DUOX1: variants seen among roughly 807,000 people sequenced by gnomAD.
DUOX1 encodes the protein NADPH thyroid oxidase 1.
In DUOX1, 134 loss-of-function variants were observed where a neutral mutation model predicts 181.8. The observed-to-expected ratio is 0.74, with a 90% CI of 0.64 to 0.85. The LOEUF (loss-of-function observed/expected upper bound fraction) is 0.85. Ranked by LOEUF, DUOX1 falls within the 40% of genes least tolerant of loss-of-function variation. The pLI is 0.00. For synonymous variants in DUOX1, 798 were observed against 832.5 expected, an observed-to-expected ratio of 0.96 and a Z score of 0.71; for missense variants, 1,814 against 2,064.4, an observed-to-expected ratio of 0.88 and a Z score of 2.35.
In DUOX1 at chr15:45,164,987, C is replaced by A. The variant is rs35631079; in HGVS notation, c.*86C>A. The A allele has an allele frequency of 1.9e-5, 28 of 1,464,518 alleles. No individual in the cohort carries two copies. The highest frequency in any genetic ancestry group is 2.4e-5 in the Non-Finnish European group (25 of 1,058,856). The allele number at this position is 1,464,518 out of a possible 1,614,324, so 90.7% of individuals were successfully genotyped here. A position where few individuals can be genotyped will look rare whatever the true frequency, so the allele number is the denominator to read the frequency against. On this transcript the variant is annotated 3_prime_UTR_variant, in exon 34 of 34. Coordinates refer to ENST00000389037, the MANE Select transcript of DUOX1 (RefSeq NM_175940.3). ...CCTCTGTTCTTCCTATTTCTGGCTG[C>A]CTCAGCCTTCTCTGATTTCCCACCT... is the stretch of plus-strand genomic sequence containing the variant.
chr15:45,154,113 C>T, intron 27 of DUOX1, 113 bp downstream of exon 27: 1 of 997,130 alleles, frequency 1.0e-6, no homozygotes, highest in South Asian at 1.3e-5. Context: ...TCCGGTGACC[C>T]AGGCTCTGTC....
At chr15:45,141,516 G>C (rs993266206) in intron 14 of DUOX1, 106 bp downstream of exon 14, 1 of 1,253,132 alleles carries the variant, frequency 8.0e-7, no homozygotes, top group Non-Finnish European at 1.2e-6. Flanking sequence ...TGTGCTCCAA[G>C]AGGGGAGTGA....
Position 45,148,257 on chromosome 15 carries a change from C to G in DUOX1, c.2643-15C>G. On this transcript the variant is annotated splice_polypyrimidine_tract_variant and intron_variant, in intron 20 of 33. Coordinates refer to ENST00000389037, the MANE Select transcript of DUOX1 (RefSeq NM_175940.3). The stretch of plus-strand genomic sequence containing the variant: ...CCCCAGTCAGGGCCGGATGGTTCCT[C>G]TCCCCCAACCCCAGATCCTTCATCG... 1 of 1,613,902 alleles carries G rather than the reference C, an allele frequency of 6.2e-7. No homozygotes were observed. Among genetic ancestry groups the G allele is most frequent in the Non-Finnish European group, 8.5e-7 (1 of 1,180,030 alleles).
chr15:45,135,281 C>A lies in DUOX1; in HGVS notation c.485C>A (p.Pro162His). Reference protein sequence around the residue: ...DPETGRSPSNPRDPANQVTGW... With the variant: ...DPETGRSPSNHRDPANQVTGW... ...GAGACCGGACGGAGTCCCAGCAATCCCCGGGACCCGGTGAGGCGGGGAAGG... is the reference window on the plus strand; with the variant it reads ...GAGACCGGACGGAGTCCCAGCAATCACCGGGACCCGGTGAGGCGGGGAAGG... The change falls in exon 5 of 34, where the codon CCC (proline) becomes CAC (histidine). Residue 162 changes from proline (P) to histidine (H), a missense_variant. Pro to His is a moderately conservative substitution (Grantham distance 77). This residue lies in a region of DUOX1 where 320 missense variants were observed against 313.1 expected (regional missense o/e 1.02). Transcript: ENST00000389037. 6.2e-7 allele frequency: 1 copy of A among 1,609,336 alleles called. No individual in the cohort carries two copies. The highest frequency in any genetic ancestry group is 8.5e-7 in the Non-Finnish European group (1 of 1,178,300).
intron 29 of DUOX1, 70 bp downstream of exon 29, chr15:45,161,060 C>T (rs142393800): frequency 0.019 from 29,656 of 1,600,374 alleles, 397 homozygotes; most frequent in Admixed American, 0.055. Flanking sequence ...GAGTCTAGAC[C>T]GCACAGTCTC....
intron 12 of DUOX1, 40 bp downstream of exon 12, chr15:45,139,639 A>T: frequency 6.6e-7 from 1 of 1,514,544 alleles, no homozygotes; most frequent in Non-Finnish European, 8.8e-7. Context: ...GGCGGGAGGG[A>T]CAAGGCACGT....
chr15:45,131,895 A>G, intron 1 of DUOX1, 23 bp from the exon 2 acceptor site: 1 of 1,517,854 alleles, frequency 6.6e-7, no homozygotes, highest in Non-Finnish European at 9.1e-7. Context: ...GCTGGGGCTC[A>G]TTCTTTGCCT....
chr15:45,139,492 C>T lies in DUOX1; in HGVS notation c.1282C>T (p.Arg428Trp), dbSNP rs141003102. The stretch of plus-strand genomic sequence containing the variant: ...CCTGGCCAGCTGCCTGCAGCGGGGC[C>T]GGGATCTGGGCCTGCCCTCTTACAC... ...DHLASCLQRG[R>W]DLGLPSYTKA... Residue 428 changes from arginine (R) to tryptophan (W), a missense_variant, in exon 12 of 34, where the codon CGG (arginine) becomes TGG (tryptophan). Around this residue, in one of 5 missense-constraint regions of DUOX1, gnomAD observed 1,064 missense variants for 1,152.9 expected, o/e 0.92. Transcript: ENST00000389037. 2.3e-4 allele frequency: 379 copies of T among 1,613,230 alleles called. No homozygotes were observed. Among genetic ancestry groups the T allele is most frequent in the Non-Finnish European group, 3.0e-4 (352 of 1,179,786 alleles).
intron 29 of DUOX1, 33 bp from the exon 30 acceptor site, chr15:45,161,705 G>A: frequency 6.3e-7 from 1 of 1,597,998 alleles, no homozygotes; most frequent in Non-Finnish European, 8.6e-7. Context: ...CTGGGTTCAG[G>A]GCAGCAGCTT....
Position 45,144,026 on chromosome 15 carries a change from C to T in DUOX1, c.1937-10C>T, listed in dbSNP as rs1896577159. ...TCCCAGCTGACGAAGCCCTGTCTCT[C>T]TCCCCCTAGCTTTGGAATGGCAAGG... On this transcript the variant is annotated splice_polypyrimidine_tract_variant and intron_variant, in intron 16 of 33. Transcript: ENST00000389037. The T allele has an allele frequency of 1.2e-6, 2 of 1,613,572 alleles. No homozygotes were observed. Among genetic ancestry groups the T allele is most frequent in the East Asian group, 4.5e-5 (2 of 44,864 alleles).
In DUOX1 at chr15:45,137,935, G is replaced by T; in HGVS notation, c.1034G>T (p.Cys345Phe). 1.9e-6 allele frequency: 3 copies of T among 1,605,876 alleles called. No individual in the cohort carries two copies. Residue 345 changes from cysteine (C) to phenylalanine (F), a missense_variant, in exon 10 of 34, where the codon TGC becomes TTC. Physicochemically the swap from Cys to Phe is radical, Grantham distance 205 (BLOSUM62 -2). This residue lies in a region of DUOX1 where 1,064 missense variants were observed against 1,152.9 expected (regional missense o/e 0.92). Coordinates refer to ENST00000389037, the MANE Select transcript of DUOX1 (RefSeq NM_175940.3). ...TCCTTGCATTTCAGAAATGCCAGCT[G>T]CCACTTCCAGGGGGTCATCAATCGG... is the stretch of plus-strand genomic sequence containing the variant. ...PPGVYMRNAS[C>F]HFQGVINRNS...
chr15:45,141,142 C>A (rs1896480506), intron 13 of DUOX1, 72 bp downstream of exon 13: 36 of 1,592,464 alleles, frequency 2.3e-5, no homozygotes, highest in Non-Finnish European at 3.0e-5. Flanking sequence ...TGGCCTTAGA[C>A]AGCCCCCATG....
chr15:45,134,215 C>T lies in DUOX1; in HGVS notation c.213C>T (p.His71=). Residue 71 remains histidine, a synonymous_variant, in exon 4 of 34, where the codon CAC becomes CAT. Coordinates refer to ENST00000389037, the MANE Select transcript of DUOX1 (RefSeq NM_175940.3). ...TGTACCAGCCCTTGGGAGAACCCCA[C>T]CTGCCCAACCCCCGAGACCTTAGCA... is the stretch of plus-strand genomic sequence containing the variant. The part of the protein sequence containing the change: ...DGVYQPLGEP[H]LPNPRDLSNT... The T allele has an allele frequency of 6.4e-7, 1 of 1,559,170 alleles. No homozygotes were observed. The highest frequency in any genetic ancestry group is 1.2e-5 in the South Asian group (1 of 82,346).
At chr15:45,131,885 G>C (rs1896165638) in intron 1 of DUOX1, 33 bp from the exon 2 acceptor site, 1 of 1,441,556 alleles carries the variant, frequency 6.9e-7, no homozygotes, top group South Asian at 1.1e-5. Flanking sequence ...CTTCTGAGTA[G>C]CTGGGGCTCA....
chr15:45,142,348 G>C (rs1458456598), intron 15 of DUOX1, among the ~76,000 whole-genome samples: 1 of 152,190 alleles, frequency 6.6e-6, no homozygotes, highest in East Asian at 1.9e-4. Flanking sequence ...CCCAGCATTG[G>C]TCAGGAGCCA....
chr15:45,153,899 A>AAG, intron 26 of DUOX1, 52 bp from the exon 27 acceptor site: 4 of 1,474,950 alleles, frequency 2.7e-6, no homozygotes, highest in South Asian at 2.4e-5. Context: ...AAAAAAAAAA[A>AAG]AGAGAGAGAG....
rs981624812 is a variant in DUOX1 at position 45,154,084 on chromosome 15, C to G, written c.3574+84C>G. The G allele has an allele frequency of 7.7e-5, 97 of 1,259,450 alleles. 1 individual carries two copies. The highest frequency in any genetic ancestry group is 3.7e-4 in the Middle Eastern group (2 of 5,344). 78.0% of individuals were successfully genotyped at this position (1,259,450 alleles called of 1,614,324 possible). On this transcript the variant is annotated intron_variant, in intron 27 of 33. Coordinates refer to ENST00000389037, the MANE Select transcript of DUOX1 (RefSeq NM_175940.3). ...GTTCTCTGCACCCCAGAGCAACCCA[C>G]GTTCACTCACTCAGCTCTTCCGGTG... is the stretch of plus-strand genomic sequence containing the variant.
At position 45,163,382 on chromosome 15, in the gene DUOX1, G is replaced by GC. The variant is rs1417236801; in HGVS notation, c.4249-146dup. The GC allele has an allele frequency of 5.2e-6, 6 of 1,147,250 alleles. No homozygotes were observed. The Admixed American group carries it at 7.6e-5, about 15-fold the overall frequency. The allele number at this position is 1,147,250 out of a possible 1,614,324, so 71.1% of individuals were successfully genotyped here. On this transcript the variant is annotated intron_variant, in intron 31 of 33. Coordinates refer to ENST00000389037, the MANE Select transcript of DUOX1 (RefSeq NM_175940.3). ...ACTCCATCTCTGGCCTCAGAGCCTG[G>GC]CCCCGTGGCCCATACACTCCATCTC... is the stretch of plus-strand genomic sequence containing the variant.
Position 45,161,008 on chromosome 15 carries a change from G to C in DUOX1, c.3856+18G>C. On this transcript the variant is annotated intron_variant, in intron 29 of 33. Coordinates refer to ENST00000389037, the MANE Select transcript of DUOX1 (RefSeq NM_175940.3). ...GCCCTCAGGTACCAGCCTGGCAGGA[G>C]ATCAGCTTGGTGACACTGAGGGAGC... 1 of 1,613,934 alleles carries C rather than the reference G, an allele frequency of 6.2e-7. No individual in the cohort carries two copies.
Sources: gnomAD v4.1 joint callset for allele counts (sites outside exome capture counted in the v4.1 genomes callset) on GRCh38, gnomAD v4.1.1 for gene constraint, gnomAD v4.1.1 regional missense constraint, MANE v1.5 for transcripts, NCBI Gene and HGNC (gene_info 2026-07-23, HGNC 2026-07-21) for gene names.